The following ISCU variants were observed in gnomAD, a reference collection of about 807,000 sequenced individuals.
ISCU encodes iron-sulfur cluster assembly enzyme, also known as iron-sulfur cluster assembly enzyme ISCU.
In ISCU, 13 loss-of-function variants were observed where a neutral mutation model predicts 18.4. The observed-to-expected ratio is 0.71, with a 90% CI of 0.46 to 1.12. ISCU has a LOEUF of 1.12. Among genes scored for constraint, ISCU ranks in the 50% most tolerant of loss-of-function variants. ISCU has a pLI of 0.00. For missense variants in ISCU, 229 were observed against 208.7 expected (o/e 1.10, Z -0.60); for synonymous variants, 104 against 87.5 (o/e 1.19, Z -1.06).
chr12:108,568,920 C>A lies in ISCU; in HGVS notation c.*4C>A. ...AGGAGAGGCAGAGAAGAAATGAGCC[C>A]TCCCTCGGCGAAGCCTCCAGCAGGC... On this transcript the variant is annotated 3_prime_UTR_variant, in exon 5 of 5. Transcript: ENST00000311893. 1 of 1,608,618 alleles carries A rather than the reference C, an allele frequency of 6.2e-7. No individual in the cohort carries two copies. The highest frequency in any genetic ancestry group is 8.5e-7 in the Non-Finnish European group (1 of 1,177,416).
chr12:108,565,285 C>T (rs541563781), intron 2 of ISCU, 36 bp from the exon 3 acceptor site: 1 of 1,524,256 alleles, frequency 6.6e-7, no homozygotes, highest in African/African-American at 1.4e-5. Flanking sequence ...GAGGGTGGTC[C>T]CAGGACTCAC....
At chr12:108,565,570 A>C in intron 3 of ISCU, 139 bp downstream of exon 3, 1 of 674,694 alleles carries the variant, frequency 1.5e-6, no homozygotes, top group South Asian at 1.7e-5. Flanking sequence ...GGATCATTCT[A>C]CTAGGTGTTG....
At position 108,568,995 on chromosome 12, in the gene ISCU, G is replaced by A. The variant is rs1328285280; in HGVS notation, c.*79G>A. On this transcript the variant is annotated 3_prime_UTR_variant, in exon 5 of 5. Transcript: ENST00000311893. The stretch of plus-strand genomic sequence containing the variant: ...GTGCAGTCACCTTAGATGTTCAGAA[G>A]CCGCTTCCTCTCCACTGAAGAGCTA... 22 of 1,218,340 alleles carry A rather than the reference G, an allele frequency of 1.8e-5. No homozygotes were observed. Among genetic ancestry groups the A allele is most frequent in the Non-Finnish European group, 2.4e-5 (20 of 841,932 alleles). The allele number at this position is 1,218,340 out of a possible 1,614,324, so 75.5% of individuals were successfully genotyped here.
intron 2 of ISCU, 111 bp from the exon 3 acceptor site, chr12:108,565,210 T>A: frequency 1.3e-6 from 1 of 778,032 alleles, no homozygotes; most frequent in Admixed American, 1.9e-5. Flanking sequence ...CATCACTTAG[T>A]GTGGAAAGCA....
intron 3 of ISCU, among the ~76,000 whole-genome samples, chr12:108,565,955 A>G (rs1186251858): frequency 4.6e-5 from 7 of 152,262 alleles, no homozygotes; most frequent in African/African-American, 4.8e-5. Flanking sequence ...CAGAGATAAT[A>G]AAGAGCTAGA....
At chr12:108,567,762 G>C in intron 4 of ISCU, 2 of 1,535,654 alleles carry the variant, frequency 1.3e-6, no homozygotes, top group Non-Finnish European at 1.7e-6. Context: ...GTCGGGGTCT[G>C]CATCTGTATA....
Position 108,569,038 on chromosome 12 carries a change from TTGCTGTTCACGTTATGACTCTCA to T in ISCU, c.*126_*148del. The T allele has an allele frequency of 1.3e-6, 1 of 798,240 alleles. No homozygotes were observed. The highest frequency in any genetic ancestry group is 1.5e-5 in the South Asian group (1 of 67,992). 49.4% of individuals were successfully genotyped at this position (798,240 alleles called of 1,614,324 possible). A position where few individuals can be genotyped will look rare whatever the true frequency, so the allele number is the denominator to read the frequency against. On this transcript the variant is annotated 3_prime_UTR_variant, in exon 5 of 5. Coordinates refer to ENST00000311893, the MANE Select transcript of ISCU (RefSeq NM_213595.4). Reference sequence around the variant, plus strand: ...AAGAGCTATGAGATACGCACAATACTTGCTGTTCACGTTATGACTCTCATGCAAGCAAAATACACAGTTTCATT... The same window carrying T: ...AAGAGCTATGAGATACGCACAATACTTGCAAGCAAAATACACAGTTTCATT...
chr12:108,565,488 ATAT>A, intron 3 of ISCU, 57 bp downstream of exon 3: 1 of 1,181,650 alleles, frequency 8.5e-7, no homozygotes, highest in Non-Finnish European at 1.3e-6. Context: ...CTTTTTTTTA[ATAT>A]TCTAAATTTT....
In ISCU at chr12:108,562,654, G is replaced by A. The variant is rs550874413; in HGVS notation, c.32G>A (p.Arg11Gln). The A allele has an allele frequency of 9.6e-6, 14 of 1,460,942 alleles. No individual in the cohort carries two copies. The South Asian group carries it at 1.8e-4, about 18-fold the overall frequency. The allele number at this position is 1,460,942 out of a possible 1,614,324, so 90.5% of individuals were successfully genotyped here. A position where few individuals can be genotyped will look rare whatever the true frequency, so the allele number is the denominator to read the frequency against. The change falls in exon 1 of 5, where the codon CGG becomes CAG. Residue 11 changes from arginine (R) to glutamine (Q), a missense_variant. By Grantham distance (43) the Arg-to-Gln change is conservative. Coordinates refer to ENST00000311893, the MANE Select transcript of ISCU (RefSeq NM_213595.4). MAAAGAFRLR[R>Q]AASALLLRSP... Reference sequence around the variant, plus strand: ...GCGGCTGGGGCTTTCCGTCTGAGGCGGGCGGCATCGGCTCTGCTGCTGCGG... The same window carrying A: ...GCGGCTGGGGCTTTCCGTCTGAGGCAGGCGGCATCGGCTCTGCTGCTGCGG...
chr12:108,562,325 A>G (rs1371201228), upstream of ISCU, among the ~76,000 whole-genome samples: 1 of 150,834 alleles, frequency 6.6e-6, no homozygotes, highest in Non-Finnish European at 1.5e-5. Context: ...CCGCAGCGGG[A>G]TTTGTGAAAG....
At position 108,568,820 on chromosome 12, in the gene ISCU, G is replaced by A. The variant is rs761162296; in HGVS notation, c.419-11G>A. ...TAGAAACTTAGGCTTCTTTCCTTCC[G>A]TTACTTCCAGTGCTGGCTGAAGATG... On this transcript the variant is annotated splice_polypyrimidine_tract_variant and intron_variant, in intron 4 of 4. Coordinates refer to ENST00000311893, the MANE Select transcript of ISCU (RefSeq NM_213595.4). 9.3e-6 allele frequency: 15 copies of A among 1,610,800 alleles called. No homozygotes were observed. The highest frequency in any genetic ancestry group is 2.7e-5 in the African/African-American group (2 of 74,872).
At chr12:108,563,996 CA>C (rs2030761113) in intron 1 of ISCU, 1 of 1,098,408 alleles carries the variant, frequency 9.1e-7, no homozygotes, top group East Asian at 2.4e-5. Context: ...GGGTGAAAGT[CA>C]AGTATTTTTG....
intron 4 of ISCU, chr12:108,568,619 A>C: frequency 1.4e-6 from 2 of 1,422,386 alleles, no homozygotes; most frequent in Non-Finnish European, 1.8e-6. Flanking sequence ...CAGATTTTTA[A>C]CCCTAGTCTG....
intron 1 of ISCU, chr12:108,563,865 A>C (rs143680720): frequency 5.4e-5 from 32 of 592,180 alleles, no homozygotes; most frequent in African/African-American, 4.3e-4. Context: ...CTTCTAAGAA[A>C]GCTTTCCCTC....
At chr12:108,565,470 A>G (rs1469577721) in intron 3 of ISCU, 39 bp downstream of exon 3, 6 of 1,326,420 alleles carry the variant, frequency 4.5e-6, no homozygotes, top group Non-Finnish European at 6.5e-6. Context: ...AAAAACAAGT[A>G]ACCATGACTT....
At chr12:108,563,315 T>A (rs536420048) in intron 1 of ISCU, 2 of 148,430 alleles carry the variant, frequency 1.3e-5, no homozygotes, top group African/African-American at 5.0e-5. Flanking sequence ...GTTTGGGGGG[T>A]TTTTTGGCGG....
Position 108,565,443 on chromosome 12 carries a change from C to G in ISCU, c.339+12C>G, listed in dbSNP as rs970594257. On this transcript the variant is annotated intron_variant, in intron 3 of 4. Transcript: ENST00000311893. The stretch of plus-strand genomic sequence containing the variant: ...TGAAAGGAAAGACGGTAAGGTGGCT[C>G]ACAAATCTAATGGGTCAAAAACAAG... The G allele has an allele frequency of 7.7e-6, 12 of 1,556,902 alleles. No homozygotes were observed. Among genetic ancestry groups the G allele is most frequent in the African/African-American group, 1.4e-5 (1 of 73,736 alleles).
At chr12:108,564,083 G>C in intron 1 of ISCU, 196 bp from the exon 2 acceptor site, 1 of 1,610,228 alleles carries the variant, frequency 6.2e-7, no homozygotes, top group African/African-American at 1.3e-5. Context: ...GTGAAGTATT[G>C]TAGAGGAGAC....
Position 108,562,689 on chromosome 12 carries a change from C to T in ISCU, c.67C>T (p.Leu23=). 2 of 1,483,508 alleles carry T rather than the reference C, an allele frequency of 1.3e-6. No individual in the cohort carries two copies. Among genetic ancestry groups the T allele is most frequent in the African/African-American group, 1.5e-5 (1 of 68,478 alleles). The allele number at this position is 1,483,508 out of a possible 1,614,324, so 91.9% of individuals were successfully genotyped here. A position where few individuals can be genotyped will look rare whatever the true frequency, so the allele number is the denominator to read the frequency against. The change falls in exon 1 of 5, where the codon CTG becomes TTG. Residue 23 remains leucine, a synonymous_variant. Transcript: ENST00000311893. ...ASALLLRSPR[L]PARELSAPAR... ...GGCTCTGCTGCTGCGGAGCCCCCGC[C>T]TGCCCGCCCGGGAGCTGTCGGCCCC...
Sources: gnomAD v4.1 joint callset for allele counts (sites outside exome capture counted in the v4.1 genomes callset) on GRCh38, gnomAD v4.1.1 for gene constraint, MANE v1.5 for transcripts, NCBI Gene and HGNC (gene_info 2026-07-23, HGNC 2026-07-21) for gene names.